INPP5D: variants seen among roughly 807,000 people sequenced by gnomAD.
INPP5D encodes phosphatidylinositol 3,4,5-trisphosphate 5-phosphatase 1.
Under a neutral mutation model 122.9 loss-of-function variants are expected in INPP5D, and 33 were observed. That is an observed-to-expected ratio of 0.27 (90% CI 0.20 to 0.36). The LOEUF is 0.36. Among genes scored for constraint, INPP5D ranks in the 10% least tolerant of loss-of-function variants. INPP5D has a pLI of 1.00. For synonymous variants in INPP5D, 584 were observed against 576.2 expected, an observed-to-expected ratio of 1.01 and a Z score of -0.19; for missense variants, 1,053 against 1,412.7, an observed-to-expected ratio of 0.75 and a Z score of 4.08.
At chr2:233,060,755 T>A in intron 1 of INPP5D, 143 bp downstream of exon 1, 2 of 1,200,154 alleles carry the variant, frequency 1.7e-6, no homozygotes, top group Non-Finnish European at 2.3e-6. Context: ...ATGGACCTTG[T>A]CCTTGGAGTT....
intron 25 of INPP5D, among the ~76,000 whole-genome samples, chr2:233,200,987 A>G (rs1003517237): frequency 9.1e-6 from 1 of 109,344 alleles, no homozygotes; most frequent in Non-Finnish European, 2.0e-5. Flanking sequence ...TAAATAAATA[A>G]ATAAATAAAT....
chr2:233,190,658 T>G (rs1467169107), intron 22 of INPP5D, among the ~76,000 whole-genome samples: 1 of 152,166 alleles, frequency 6.6e-6, no homozygotes, highest in Non-Finnish European at 1.5e-5. Flanking sequence ...CAGCAGGGGC[T>G]TTTGTACCAT....
Position 233,189,915 on chromosome 2 carries a change from C to T in INPP5D, c.2424C>T (p.Ser808=), listed in dbSNP as rs191208952. The T allele has an allele frequency of 6.2e-7, 1 of 1,613,464 alleles. No individual in the cohort carries two copies. Among genetic ancestry groups the T allele is most frequent in the African/African-American group, 1.3e-5 (1 of 75,012 alleles). The change falls in exon 22 of 27, where the codon TCC becomes TCT. Residue 808 remains serine (S), a synonymous_variant. Transcript: ENST00000445964. This position sits in a 1 kb window ranked among gnomAD's most constrained non-coding sequence, Gnocchi z 5.6. ...AGCACATCCTCATCAGCATCAAGTC[C>T]TCTGACAGCGACGAATCCTATGGTA... is the stretch of plus-strand genomic sequence containing the variant. The part of the protein sequence containing the change: ...LDQHILISIK[S]SDSDESYGEG...
In INPP5D at chr2:233,147,412, G is replaced by A. The variant is rs183064257; in HGVS notation, c.907-59G>A. 1,818 of 698,610 alleles carry A rather than the reference G, an allele frequency of 2.6e-3. 20 individuals are homozygous for A. Among genetic ancestry groups the A allele is most frequent in the East Asian group, 0.021 (774 of 37,260 alleles). 43.3% of individuals were successfully genotyped at this position (698,610 alleles called of 1,614,324 possible). On this transcript the variant is annotated intron_variant, in intron 8 of 26. Coordinates refer to ENST00000445964, the MANE Select transcript of INPP5D (RefSeq NM_001017915.3). The stretch of plus-strand genomic sequence containing the variant: ...ATGTAGACAAGGGGTTCGGGCGGGG[G>A]AAGCCTTGCAAAAGCCCAGGCAGAA...
intron 17 of INPP5D, among the ~76,000 whole-genome samples, chr2:233,172,719 T>C (rs1694520455): frequency 6.6e-6 from 1 of 152,126 alleles, no homozygotes; most frequent in South Asian, 2.1e-4. Flanking sequence ...AGCGTGTCAT[T>C]AGGTGACTTC....
chr2:233,178,630 G>A (rs1468087031), intron 18 of INPP5D, among the ~76,000 whole-genome samples: 2 of 151,974 alleles, frequency 1.3e-5, no homozygotes, highest in Non-Finnish European at 2.9e-5. Flanking sequence ...TATCAGGCAC[G>A]CAGCACCACG....
At chr2:233,169,779 G>A in intron 14 of INPP5D, 1 of 636,996 alleles carries the variant, frequency 1.6e-6, no homozygotes, top group Non-Finnish European at 2.7e-6. Context: ...TCTCTGCTGA[G>A]CAGATGCTGC....
rs372568250 is a variant in INPP5D, at chr2:233,193,851, C to T, written c.2486C>T (p.Thr829Met). The T allele has an allele frequency of 1.5e-5, 25 of 1,613,800 alleles. No individual in the cohort carries two copies. Among genetic ancestry groups the T allele is most frequent in the Middle Eastern group, 1.6e-4 (1 of 6,084 alleles). ...GCCCTTCGGTTAGAGGCCACAGAAACGCAGCTGCCCATCTACACGCCTCTC... is the reference window on the plus strand; with the variant it reads ...GCCCTTCGGTTAGAGGCCACAGAAATGCAGCTGCCCATCTACACGCCTCTC... ...CIALRLEATE[T>M]QLPIYTPLTH... Residue 829 changes from threonine (T) to methionine (M), a missense_variant, in exon 23 of 27, where the codon ACG (threonine) becomes ATG (methionine). By Grantham distance (81) the Thr-to-Met change is moderately conservative. Around this residue, in one of 6 missense-constraint regions of INPP5D, gnomAD observed 258 missense variants for 439.1 expected, o/e 0.59. Coordinates refer to ENST00000445964, the MANE Select transcript of INPP5D (RefSeq NM_001017915.3).
At chr2:233,134,507 A>G (rs1693413386) in intron 5 of INPP5D, among the ~76,000 whole-genome samples, 1 of 152,130 alleles carries the variant, frequency 6.6e-6, no homozygotes, top group African/African-American at 2.4e-5. Flanking sequence ...AGGAGTAAGG[A>G]GAAGTGCCAG....
chr2:233,121,966 C>T (rs1692994340), intron 2 of INPP5D, 141 bp from the exon 3 acceptor site: 3 of 880,870 alleles, frequency 3.4e-6, no homozygotes, highest in African/African-American at 3.3e-5. Context: ...GAGGGTCACA[C>T]ACCCTGCGTA....
At chr2:233,192,232 G>A (rs961223673) in intron 22 of INPP5D, among the ~76,000 whole-genome samples, 6 of 152,186 alleles carry the variant, frequency 3.9e-5, no homozygotes, top group South Asian at 2.1e-4. Context: ...CAGGCAGTAC[G>A]CAAAACACAC....
At position 233,204,211 on chromosome 2, in the gene INPP5D, CT is replaced by C. The variant is rs1164659455; in HGVS notation, c.3062del (p.Leu1021ArgfsTer5). On this transcript the variant is annotated frameshift_variant, in exon 26 of 27. Transcript: ENST00000445964. LOFTEE classifies it high-confidence loss of function. ...GAAGCCCGAGATGTTTGAGAACCCC[CT>C]GTATGGGTCCCTGAGTTCCTTCCCT... Reference protein sequence around the residue: ...LTKPEMFENPLYGSLSSFPKP... With the variant: ...LTKPEMFENPXYGSLSSFPKP... 6.2e-7 allele frequency: 1 copy of C among 1,613,258 alleles called. No individual in the cohort carries two copies. The highest frequency in any genetic ancestry group is 8.5e-7 in the Non-Finnish European group (1 of 1,179,744).
intron 13 of INPP5D, among the ~76,000 whole-genome samples, chr2:233,167,633 C>T (rs1418164084): frequency 2.0e-5 from 3 of 152,212 alleles, no homozygotes; most frequent in South Asian, 2.1e-4. Context: ...TGTACTCCCC[C>T]ACTGGGTCCT....
At chr2:233,194,488 CTTTTTT>C (rs544200839) in intron 23 of INPP5D, among the ~76,000 whole-genome samples, 12,265 of 88,424 alleles carry the variant, frequency 0.14, 1,261 homozygotes, top group African/African-American at 0.26. Context: ...TTCTAAACTG[CTTTTTT>C]TTTTTTTTTT....
chr2:233,143,337 A>G (rs1262808173), intron 6 of INPP5D, among the ~76,000 whole-genome samples: 1 of 152,196 alleles, frequency 6.6e-6, no homozygotes, highest in African/African-American at 2.4e-5. Flanking sequence ...TCACAAATCC[A>G]AAGAGAGAGC....
At chr2:233,185,343 A>G (rs1394537645) in intron 20 of INPP5D, among the ~76,000 whole-genome samples, 1 of 152,142 alleles carries the variant, frequency 6.6e-6, no homozygotes, top group Non-Finnish European at 1.5e-5. Context: ...TGAGTCCCCA[A>G]GCTCCAGTTC....
chr2:233,110,910 G>A (rs1395766067), intron 2 of INPP5D, among the ~76,000 whole-genome samples: 2 of 150,814 alleles, frequency 1.3e-5, no homozygotes, highest in Non-Finnish European at 2.9e-5. Flanking sequence ...GGGCGACACA[G>A]CGAGACTCCG....
chr2:233,060,641 A>G (rs539120999), intron 1 of INPP5D, 29 bp downstream of exon 1: 1 of 1,611,812 alleles, frequency 6.2e-7, no homozygotes, highest in South Asian at 1.1e-5. Flanking sequence ...CTCCCCGGGC[A>G]CAGATATGAC....
chr2:233,067,090 T>G (rs1245217572), intron 1 of INPP5D, among the ~76,000 whole-genome samples: 2 of 152,212 alleles, frequency 1.3e-5, no homozygotes, highest in Admixed American at 6.5e-5. Context: ...GGTATACAAT[T>G]CTTTATCGTG....
Sources: allele counts gnomAD v4.1 joint callset (sites outside exome capture counted in the v4.1 genomes callset), GRCh38; gene constraint gnomAD v4.1.1; regional missense constraint gnomAD v4.1.1; non-coding constraint Gnocchi (gnomAD v3.1); transcripts MANE v1.5; gene names NCBI Gene and HGNC (gene_info 2026-07-23, HGNC 2026-07-21).